MTUS1: variants seen among roughly 807,000 people sequenced by gnomAD.
MTUS1 encodes the protein microtubule-associated tumor suppressor 1.
In MTUS1, 109 loss-of-function variants were observed where a neutral mutation model predicts 120.8. That is an observed-to-expected ratio of 0.90 (90% CI 0.77 to 1.06). The LOEUF is 1.06. Ranked by LOEUF, MTUS1 falls within the 50% of genes least tolerant of loss-of-function variation. The pLI is 0.00. For synonymous variants in MTUS1, 737 were observed against 550.5 expected, an observed-to-expected ratio of 1.34 and a Z score of -4.74; for missense variants, 2,210 against 1,486.3, an observed-to-expected ratio of 1.49 and a Z score of -8.01.
chr8:17,652,827 C>G (rs1807314938), intron 12 of MTUS1, among the ~76,000 whole-genome samples: 1 of 146,558 alleles, frequency 6.8e-6, no homozygotes, highest in Non-Finnish European at 1.5e-5. Flanking sequence ...CAGAGTGAGA[C>G]TCCCTCTCAA....
chr8:17,745,388 C>CTGTATGTATGT (rs1187013651), intron 2 of MTUS1, among the ~76,000 whole-genome samples: 1 of 152,194 alleles, frequency 6.6e-6, no homozygotes, highest in African/African-American at 2.4e-5. Flanking sequence ...TTACTTGTTT[C>CTGTATGTATGT]AGGTGGATTC....
intron 6 of MTUS1, among the ~76,000 whole-genome samples, chr8:17,703,593 C>A (rs1301095052): frequency 6.8e-6 from 1 of 147,848 alleles, no homozygotes; most frequent in Non-Finnish European, 1.5e-5. Flanking sequence ...CGCGCCACTG[C>A]ACCGCAGCCT....
chr8:17,682,995 G>T (rs1814910202), intron 7 of MTUS1, among the ~76,000 whole-genome samples: 1 of 152,212 alleles, frequency 6.6e-6, no homozygotes, highest in Admixed American at 6.5e-5. Context: ...CATTAAGGCT[G>T]GGCGCAGTGG....
chr8:17,693,861 C>T (rs934305617), intron 6 of MTUS1, among the ~76,000 whole-genome samples: 1 of 152,178 alleles, frequency 6.6e-6, no homozygotes, highest in Non-Finnish European at 1.5e-5. Context: ...ATGCCTGGTA[C>T]ACAGTACTCA....
intron 10 of MTUS1, chr8:17,654,336 CCAT>C (rs2130211673): frequency 1.8e-6 from 1 of 555,490 alleles, no homozygotes; most frequent in East Asian, 3.0e-5. Flanking sequence ...CTTCCAAAGC[CCAT>C]CCTATTTAAC....
At position 17,645,945 on chromosome 8, in the gene MTUS1, G is replaced by A; in HGVS notation, c.3794C>T (p.Pro1265Leu). ...GAGGTGTCATCTGGGTGAAATGCTG[G>A]GGCTAGGGAAGGAGCCCGAATTCCT... is the stretch of plus-strand genomic sequence containing the variant. ...SPRNSGSFPS[P>L]SISPR Residue 1265 changes from proline (P) to leucine (L), a missense_variant, in exon 15 of 15, where the codon CCC (proline) becomes CTC (leucine). Pro to Leu is a moderately conservative substitution (Grantham distance 98). Coordinates refer to ENST00000693296, the MANE Select transcript of MTUS1 (RefSeq NM_001363059.2). The A allele has an allele frequency of 6.2e-7, 1 of 1,612,018 alleles. No individual in the cohort carries two copies. Among genetic ancestry groups the A allele is most frequent in the African/African-American group, 1.3e-5 (1 of 74,952 alleles).
chr8:17,730,335 A>C (rs1352668475), intron 3 of MTUS1, among the ~76,000 whole-genome samples: 6 of 152,006 alleles, frequency 3.9e-5, no homozygotes, highest in Non-Finnish European at 8.8e-5. Flanking sequence ...TACAAAAAAC[A>C]TTATCTGGGC....
chr8:17,796,161 G>C lies in MTUS1; in HGVS notation c.-155+4900C>G, dbSNP rs552889302. On this transcript the variant is annotated intron_variant, in intron 1 of 14. Transcript: ENST00000693296. ...AGATGGGGTTTCACTATGTTGGCCA[G>C]GGTAGTCTAGAACTCCTGACCTGAA... Among the ~76,000 whole-genome samples the C allele has an allele frequency of 3.9e-5, 6 of 152,002 alleles. No individual in the cohort carries two copies. In the East Asian group the frequency reaches 1.2e-3, roughly 30 times the overall value.
At chr8:17,695,604 C>G (rs974852248) in intron 6 of MTUS1, among the ~76,000 whole-genome samples, 18 of 152,182 alleles carry the variant, frequency 1.2e-4, no homozygotes, top group African/African-American at 4.3e-4. Context: ...AAGCTATCTG[C>G]TTCACAACAA....
At chr8:17,791,390 A>C (rs1440511149) in intron 1 of MTUS1, among the ~76,000 whole-genome samples, 1 of 152,196 alleles carries the variant, frequency 6.6e-6, no homozygotes, top group African/African-American at 2.4e-5. Flanking sequence ...TACAATTGAA[A>C]CTCTAAAATA....
intron 13 of MTUS1, among the ~76,000 whole-genome samples, chr8:17,648,339 G>C (rs957633577): frequency 1.3e-5 from 2 of 152,124 alleles, no homozygotes; most frequent in Non-Finnish European, 2.9e-5. Flanking sequence ...GATACCTCTG[G>C]GGCATGGCAA....
At chr8:17,660,471 T>C (rs74458839) in intron 8 of MTUS1, among the ~76,000 whole-genome samples, 4,635 of 152,304 alleles carry the variant, frequency 0.03, 247 homozygotes, top group African/African-American at 0.1. Flanking sequence ...CTTTGGCTAC[T>C]GTGAATAATG....
At chr8:17,681,284 T>C (rs1299528782) in intron 7 of MTUS1, among the ~76,000 whole-genome samples, 1 of 152,136 alleles carries the variant, frequency 6.6e-6, no homozygotes, top group Non-Finnish European at 1.5e-5. Flanking sequence ...GTAAATTAAA[T>C]GCAAGTGGTG....
intron 6 of MTUS1, among the ~76,000 whole-genome samples, chr8:17,698,759 CCATTTTAGAGGTTGT>C (rs1818465520): frequency 1.3e-5 from 2 of 152,072 alleles, no homozygotes; most frequent in South Asian, 4.1e-4. Flanking sequence ...CCCCAACTTG[CCATTTTAGAGGTTGT>C]CAGCAAGAGA....
chr8:17,707,528 A>G (rs1222618185), intron 6 of MTUS1, among the ~76,000 whole-genome samples: 1 of 152,202 alleles, frequency 6.6e-6, no homozygotes, highest in Non-Finnish European at 1.5e-5. Flanking sequence ...CTTAGAATAC[A>G]TTCTATATAT....
intron 9 of MTUS1, 105 bp downstream of exon 9, chr8:17,655,757 AT>A: frequency 1.1e-6 from 1 of 943,490 alleles, no homozygotes; most frequent in South Asian, 1.4e-5. Flanking sequence ...CATGCTTTTT[AT>A]ACCTATTAGA....
At chr8:17,769,675 T>C (rs1166859256) in intron 1 of MTUS1, among the ~76,000 whole-genome samples, 1 of 151,960 alleles carries the variant, frequency 6.6e-6, no homozygotes, top group African/African-American at 2.4e-5. Context: ...ATAAGGAAAA[T>C]GGTTTAACAT....
At chr8:17,727,553 C>T (rs753841215) in intron 3 of MTUS1, among the ~76,000 whole-genome samples, 3 of 152,268 alleles carry the variant, frequency 2.0e-5, no homozygotes, top group East Asian at 1.9e-4. Context: ...TTTAGCTTAA[C>T]GGTAAAGTTG....
chr8:17,689,264 T>C lies in MTUS1; in HGVS notation c.2624-4722A>G, dbSNP rs1292731977. ...ACCCCAAGCCAAGCCCAATTATTTG[T>C]AGGGGGAGGGAGGAGGATTTAGGAT... On this transcript the variant is annotated intron_variant, in intron 6 of 14. Transcript: ENST00000693296. 1.3e-5 allele frequency among the ~76,000 whole-genome samples: 2 copies of C among 152,194 alleles called. 1 individual carries two copies. The highest frequency in any genetic ancestry group is 3.9e-4 in the East Asian group (2 of 5,184).
Sources: allele counts gnomAD v4.1 joint callset (sites outside exome capture counted in the v4.1 genomes callset), GRCh38; gene constraint gnomAD v4.1.1; transcripts MANE v1.5; gene names NCBI Gene and HGNC (gene_info 2026-07-23, HGNC 2026-07-21).